Variants in MAP3K9 observed in about 807,000 individuals in gnomAD.
MAP3K9 encodes mixed lineage kinase 1 (tyr and ser/thr specificity).
MAP3K9 carries 46 observed loss-of-function variants against 95.8 expected under a neutral mutation model. That is an observed-to-expected ratio of 0.48 (90% confidence interval 0.38 to 0.61). MAP3K9 has a LOEUF of 0.61. Ranked by LOEUF, MAP3K9 falls within the 20% of genes least tolerant of loss-of-function variation. MAP3K9 has a pLI of 0.00. For missense variants in MAP3K9, 1,296 were observed against 1,474.3 expected (o/e 0.88, Z 1.98); for synonymous variants, 533 against 593.8 (o/e 0.90, Z 1.49).
intron 2 of MAP3K9, among the ~76,000 whole-genome samples, chr14:70,794,740 C>T (rs537187653): frequency 8.6e-5 from 13 of 151,234 alleles, no homozygotes; most frequent in Non-Finnish European, 1.5e-4. Flanking sequence ...TGCAGTGATG[C>T]GATCTCGGCT....
chr14:70,808,738 T>A, intron 1 of MAP3K9, 28 bp downstream of exon 1: 14 of 717,130 alleles, frequency 2.0e-5, no homozygotes, highest in Non-Finnish European at 2.3e-5. Flanking sequence ...TCATTCCCCC[T>A]CCCCGCCCGG....
At chr14:70,763,513 T>C (rs1029764105) in intron 2 of MAP3K9, among the ~76,000 whole-genome samples, 2 of 148,620 alleles carry the variant, frequency 1.3e-5, no homozygotes, top group African/African-American at 5.0e-5. Flanking sequence ...TAAGCGACTA[T>C]GTTACTGGTT....
intron 9 of MAP3K9, 103 bp from the exon 10 acceptor site, chr14:70,734,601 CT>C: frequency 1.4e-6 from 1 of 694,028 alleles, no homozygotes; most frequent in Non-Finnish European, 2.6e-6. Context: ...CTGCTTCATT[CT>C]ACCAAAGAAC....
chr14:70,739,720 C>T lies in MAP3K9; in HGVS notation c.1690+322G>A, dbSNP rs1193033556. Among the ~76,000 whole-genome samples the T allele has an allele frequency of 1.3e-5, 2 of 152,080 alleles. 1 individual carries two copies. Among genetic ancestry groups the T allele is most frequent in the Non-Finnish European group, 2.9e-5 (2 of 68,018 alleles). ...AATATGGCAAAGAGTGTGTTAGGTT[C>T]TCAGGCCAGGTAGCAACCTGTATCC... On this transcript the variant is annotated intron_variant, in intron 7 of 11. Coordinates refer to ENST00000554752, the MANE Select transcript of MAP3K9 (RefSeq NM_001284230.2).
intron 3 of MAP3K9, among the ~76,000 whole-genome samples, chr14:70,759,338 A>G (rs1197406566): frequency 2.0e-5 from 3 of 152,162 alleles, no homozygotes; most frequent in African/African-American, 7.2e-5. Flanking sequence ...GCTACTTGGG[A>G]GGCTGAGGCA....
At chr14:70,735,624 A>G (rs901501698) in intron 9 of MAP3K9, among the ~76,000 whole-genome samples, 1 of 152,166 alleles carries the variant, frequency 6.6e-6, no homozygotes, top group Admixed American at 6.5e-5. Flanking sequence ...CATCACTTCC[A>G]GCTCTGGATC....
At position 70,723,980 on chromosome 14, in the gene MAP3K9, A is replaced by C. The variant is rs1281472094; in HGVS notation, c.*6400T>G. ...GGAGGGTGGTGGAAACGATACTAGC[A>C]GAGGGTGTGATGGGCCAAATTCTGA... On this transcript the variant is annotated 3_prime_UTR_variant, in exon 12 of 12. Transcript: ENST00000554752. 6.6e-6 allele frequency: 1 copy of C among 152,228 alleles called. No individual in the cohort carries two copies. The highest frequency in any genetic ancestry group is 2.4e-5 in the African/African-American group (1 of 41,466). 9.4% of individuals were successfully genotyped at this position (152,228 alleles called of 1,614,324 possible).
Position 70,730,342 on chromosome 14 carries a change from G to T in MAP3K9, c.*38C>A, listed in dbSNP as rs374406603. 2 of 1,574,646 alleles carry T rather than the reference G, an allele frequency of 1.3e-6. No individual in the cohort carries two copies. Among genetic ancestry groups the T allele is most frequent in the Non-Finnish European group, 1.7e-6 (2 of 1,155,300 alleles). On this transcript the variant is annotated 3_prime_UTR_variant, in exon 12 of 12. Coordinates refer to ENST00000554752, the MANE Select transcript of MAP3K9 (RefSeq NM_001284230.2). The stretch of plus-strand genomic sequence containing the variant: ...GTGCCCGCCAGCTCCCCTCATCTCC[G>T]CTGGCTGTCCCCCTTGCCCGCCCCA...
intron 2 of MAP3K9, chr14:70,783,373 C>T (rs1003182135): frequency 1.0e-6 from 1 of 985,324 alleles, no homozygotes; most frequent in South Asian, 4.7e-5. Flanking sequence ...CCTCAAATAC[C>T]CCTTTTTAAT....
intron 3 of MAP3K9, 54 bp downstream of exon 3, chr14:70,760,948 G>T: frequency 6.3e-7 from 1 of 1,576,166 alleles, no homozygotes; most frequent in Non-Finnish European, 8.6e-7. Flanking sequence ...CTTGAAATGT[G>T]TGTGCCACCA....
chr14:70,791,361 G>C (rs1208131764), intron 2 of MAP3K9, among the ~76,000 whole-genome samples: 1 of 152,182 alleles, frequency 6.6e-6, no homozygotes, highest in East Asian at 1.9e-4. Context: ...AAGTTGCCTG[G>C]TGTCCTGAGC....
At chr14:70,756,092 A>T (rs1213654349) in intron 3 of MAP3K9, among the ~76,000 whole-genome samples, 2 of 152,176 alleles carry the variant, frequency 1.3e-5, no homozygotes, top group Non-Finnish European at 2.9e-5. Context: ...CTTAGGGTAA[A>T]AGTTGAAAGG....
chr14:70,801,453 T>C (rs1449599927), intron 1 of MAP3K9, among the ~76,000 whole-genome samples: 1 of 152,230 alleles, frequency 6.6e-6, no homozygotes, highest in Non-Finnish European at 1.5e-5. Flanking sequence ...GGTTTTGCCA[T>C]GTTGCCCAGG....
chr14:70,773,835 C>A (rs988741606), intron 2 of MAP3K9, among the ~76,000 whole-genome samples: 9 of 152,146 alleles, frequency 5.9e-5, no homozygotes, highest in South Asian at 4.2e-4. Context: ...CCATCTCATG[C>A]CAAACTTTTA....
rs536557176 is a variant in MAP3K9, at chr14:70,809,268, C to G, written c.-97G>C. 2,212 of 1,237,944 alleles carry G rather than the reference C, an allele frequency of 1.8e-3. 33 individuals carry two copies. The East Asian group carries it at 0.042, about 23-fold the overall frequency. The allele number at this position is 1,237,944 out of a possible 1,614,324, so 76.7% of individuals were successfully genotyped here. On this transcript the variant is annotated 5_prime_UTR_variant, in exon 1 of 12. Transcript: ENST00000554752. ...CTCCGCAGAGCTGGGAGGACCCCCC[C>G]CCAACGACGGCGGCCGCAGGTAGGG...
At chr14:70,734,645 A>C in intron 9 of MAP3K9, 147 bp from the exon 10 acceptor site, 1 of 603,764 alleles carries the variant, frequency 1.7e-6, no homozygotes, top group South Asian at 2.0e-5. Context: ...ACTCTTACCA[A>C]GCCCACCTGC....
At chr14:70,732,427 G>C in intron 11 of MAP3K9, 112 bp downstream of exon 11, 1 of 1,431,160 alleles carries the variant, frequency 7.0e-7, no homozygotes, top group Non-Finnish European at 9.2e-7. Flanking sequence ...GCTAAGAGGA[G>C]GAATGGTGTT....
In MAP3K9 at chr14:70,742,562, C is replaced by CG; in HGVS notation, c.1355dup (p.Arg453AlafsTer26). 1 of 1,614,138 alleles carries CG rather than the reference C, an allele frequency of 6.2e-7. No homozygotes were observed. The highest frequency in any genetic ancestry group is 8.5e-7 in the Non-Finnish European group (1 of 1,180,006). Reference sequence around the variant, plus strand: ...GGTTCTTCTGCTGCAGTGCAGCCCGCGTCAGCTCCTCCTCCCAGGTGCGAA... The same window carrying CG: ...GGTTCTTCTGCTGCAGTGCAGCCCGCGGTCAGCTCCTCCTCCCAGGTGCGAA... On this transcript the variant is annotated frameshift_variant, in exon 6 of 12. Transcript: ENST00000554752. LOFTEE classifies it high-confidence loss of function.
intron 2 of MAP3K9, among the ~76,000 whole-genome samples, chr14:70,791,171 T>C (rs2054803275): frequency 6.6e-6 from 1 of 152,164 alleles, no homozygotes; most frequent in Admixed American, 6.5e-5. Context: ...AGGAAGAGAC[T>C]AAATACTCAT....
Sources: allele counts gnomAD v4.1 joint callset (sites outside exome capture counted in the v4.1 genomes callset), GRCh38; gene constraint gnomAD v4.1.1; transcripts MANE v1.5; gene names NCBI Gene and HGNC (gene_info 2026-07-23, HGNC 2026-07-21).